Variants in IGF2BP3 observed in about 807,000 individuals in gnomAD.
The protein encoded by IGF2BP3 is insulin-like growth factor 2 mRNA-binding protein 3.
Under a neutral mutation model 73.8 loss-of-function variants are expected in IGF2BP3, and 9 were observed. That is an observed-to-expected ratio of 0.12 (90% CI 0.07 to 0.21). The LOEUF is 0.21. Ranked by LOEUF, IGF2BP3 falls within the 10% of genes least tolerant of loss-of-function variation. The probability of loss-of-function intolerance (pLI) is 1.00; values close to 1 mark genes in which losing one functional copy is unlikely to be tolerated. For missense variants in IGF2BP3, 542 were observed against 714.0 expected (o/e 0.76, Z 2.75); for synonymous variants, 258 against 256.7 (o/e 1.01, Z -0.05).
chr7:23,457,624 T>C (rs1017862745), intron 2 of IGF2BP3, among the ~76,000 whole-genome samples: 3 of 152,314 alleles, frequency 2.0e-5, no homozygotes, highest in East Asian at 1.9e-4. Flanking sequence ...TGTACCTACA[T>C]TGAAGATTCT....
intron 11 of IGF2BP3, among the ~76,000 whole-genome samples, chr7:23,318,792 C>G (rs2128492564): frequency 6.6e-6 from 1 of 152,308 alleles, no homozygotes; most frequent in South Asian, 2.1e-4. Context: ...TCCTCTCCTA[C>G]TGGCTGGGCA....
intron 3 of IGF2BP3, among the ~76,000 whole-genome samples, chr7:23,380,458 C>T (rs1484927086): frequency 1.3e-5 from 2 of 152,142 alleles, no homozygotes; most frequent in African/African-American, 4.8e-5. Context: ...CCACCGTGCC[C>T]GGCCTACTGC....
chr7:23,391,501 C>T (rs568034700), intron 3 of IGF2BP3, among the ~76,000 whole-genome samples: 7 of 152,298 alleles, frequency 4.6e-5, no homozygotes, highest in South Asian at 2.1e-4. Flanking sequence ...GCTTTAACAG[C>T]TGTAATGGGT....
At chr7:23,353,019 TTCATAAACATACA>T (rs1785006581) in intron 5 of IGF2BP3, among the ~76,000 whole-genome samples, 1 of 152,080 alleles carries the variant, frequency 6.6e-6, no homozygotes, top group Admixed American at 6.6e-5. Context: ...TAGCCCAGAT[TTCATAAACATACA>T]CCTAACAATA....
At chr7:23,370,463 T>C (rs1031871436) in intron 3 of IGF2BP3, among the ~76,000 whole-genome samples, 3 of 152,150 alleles carry the variant, frequency 2.0e-5, no homozygotes, top group Non-Finnish European at 4.4e-5. Flanking sequence ...TGTGTACCAA[T>C]ATATATCCTG....
intron 2 of IGF2BP3, among the ~76,000 whole-genome samples, chr7:23,429,466 T>C (rs1309662116): frequency 1.3e-5 from 2 of 152,218 alleles, no homozygotes; most frequent in Non-Finnish European, 2.9e-5. Context: ...CCACAGATTC[T>C]ATCCTCCTAA....
At chr7:23,455,037 C>T (rs1255305794) in intron 2 of IGF2BP3, among the ~76,000 whole-genome samples, 4 of 152,206 alleles carry the variant, frequency 2.6e-5, no homozygotes, top group African/African-American at 7.2e-5. Context: ...TAGCCAGACC[C>T]ATGCTTATAA....
intron 3 of IGF2BP3, among the ~76,000 whole-genome samples, chr7:23,409,432 A>G (rs553645027): frequency 5.3e-5 from 8 of 152,250 alleles, no homozygotes; most frequent in African/African-American, 1.9e-4. Context: ...AAAGCAAAGT[A>G]AAGACAATAG....
At chr7:23,344,003 C>A in intron 8 of IGF2BP3, 150 bp from the exon 9 acceptor site, 1 of 699,054 alleles carries the variant, frequency 1.4e-6, no homozygotes, top group Non-Finnish European at 2.3e-6. Context: ...TGAGTAAGCC[C>A]CAAAAGACGT....
At chr7:23,345,555 T>C (rs1784809084) in intron 8 of IGF2BP3, among the ~76,000 whole-genome samples, 1 of 152,236 alleles carries the variant, frequency 6.6e-6, no homozygotes, top group East Asian at 1.9e-4. Context: ...AAGCTGCTCC[T>C]GCATTCCTAA....
In IGF2BP3 at chr7:23,319,248, C is replaced by T; in HGVS notation, c.1210G>A (p.Glu404Lys). Residue 404 changes from glutamate to lysine, a missense_variant, in exon 11 of 15, where the codon GAA (glutamate) becomes AAA (lysine). Coordinates refer to ENST00000258729, the MANE Select transcript of IGF2BP3 (RefSeq NM_006547.3). ...ATAAACAGATGAACAGTCTCCGTTTCTGATTGCTGTTAGAAAAGAAAGCCA... is the reference window on the plus strand; with the variant it reads ...ATAAACAGATGAACAGTCTCCGTTTTTGATTGCTGTTAGAAAAGAAAGCCA... ...TPPYPQFEQS[E>K]TETVHLFIPA... The T allele has an allele frequency of 6.2e-7, 1 of 1,602,652 alleles. No individual in the cohort carries two copies. The highest frequency in any genetic ancestry group is 8.5e-7 in the Non-Finnish European group (1 of 1,174,694).
intron 2 of IGF2BP3, among the ~76,000 whole-genome samples, chr7:23,459,817 T>C (rs951923490): frequency 3.3e-5 from 5 of 151,114 alleles, no homozygotes; most frequent in African/African-American, 1.2e-4. Context: ...GGCAACAAAG[T>C]GAGATTCTGA....
chr7:23,438,326 C>T lies in IGF2BP3; in HGVS notation c.237-19502G>A, dbSNP rs531854990. Among the ~76,000 whole-genome samples, 3 of 152,296 alleles carry T rather than the reference C, an allele frequency of 2.0e-5. No individual in the cohort carries two copies. In the East Asian group the frequency reaches 5.8e-4, roughly 29 times the overall value. On this transcript the variant is annotated intron_variant, in intron 2 of 14. Coordinates refer to ENST00000258729, the MANE Select transcript of IGF2BP3 (RefSeq NM_006547.3). The stretch of plus-strand genomic sequence containing the variant: ...ACGAGGTTTCTCCATGTTAGCCAGG[C>T]TGGTCTTGAATTCCTGAGCTTAAGT...
chr7:23,391,477 C>T (rs1220213979), intron 3 of IGF2BP3, among the ~76,000 whole-genome samples: 1 of 152,144 alleles, frequency 6.6e-6, no homozygotes, highest in Non-Finnish European at 1.5e-5. Context: ...TCGCTTTCCA[C>T]GGGTGCAAGG....
chr7:23,351,649 A>G, intron 5 of IGF2BP3, 63 bp from the exon 6 acceptor site: 11 of 1,542,124 alleles, frequency 7.1e-6, no homozygotes, highest in Non-Finnish European at 9.8e-6. Flanking sequence ...ATCTTTTAGC[A>G]AAGCAACACC....
intron 3 of IGF2BP3, among the ~76,000 whole-genome samples, chr7:23,378,358 C>CA (rs397955498): frequency 0.11 from 13,938 of 123,676 alleles, 778 homozygotes; most frequent in Middle Eastern, 0.19. Context: ...AGATAGTTTT[C>CA]AAAAAAAAAA....
intron 2 of IGF2BP3, among the ~76,000 whole-genome samples, chr7:23,463,567 C>T (rs928470350): frequency 2.0e-5 from 3 of 152,090 alleles, no homozygotes; most frequent in African/African-American, 2.4e-5. Context: ...TACTATATAC[C>T]CCTTGTAGTT....
intron 5 of IGF2BP3, among the ~76,000 whole-genome samples, chr7:23,352,370 C>T (rs1784987120): frequency 6.7e-6 from 1 of 148,180 alleles, no homozygotes; most frequent in Admixed American, 6.8e-5. Context: ...CTCACTGCAA[C>T]CTCTGCCTCC....
Position 23,312,284 on chromosome 7 carries a change from G to T in IGF2BP3, c.*78C>A, listed in dbSNP as rs1783853473. 2.9e-6 allele frequency: 3 copies of T among 1,047,836 alleles called. No homozygotes were observed. The highest frequency in any genetic ancestry group is 1.6e-5 in the African/African-American group (1 of 63,394). The allele number at this position is 1,047,836 out of a possible 1,614,324, so 64.9% of individuals were successfully genotyped here. On this transcript the variant is annotated 3_prime_UTR_variant, in exon 15 of 15. Transcript: ENST00000258729. ...CTTGTGCATGTGATTCTGGATAGGGGGTCAGCGCCCATCTGTTGGTTAAGC... is the reference window on the plus strand; with the variant it reads ...CTTGTGCATGTGATTCTGGATAGGGTGTCAGCGCCCATCTGTTGGTTAAGC...
Sources: gnomAD v4.1 joint callset for allele counts (sites outside exome capture counted in the v4.1 genomes callset) on GRCh38, gnomAD v4.1.1 for gene constraint, MANE v1.5 for transcripts, NCBI Gene and HGNC (gene_info 2026-07-23, HGNC 2026-07-21) for gene names.